The following POLM variants were observed in gnomAD, a reference collection of about 807,000 sequenced individuals.
The protein encoded by POLM is DNA-directed DNA/RNA polymerase mu.
Under a neutral mutation model 56.7 loss-of-function variants are expected in POLM, and 52 were observed. The observed-to-expected ratio is 0.92, with a 90% CI of 0.73 to 1.15. The LOEUF is 1.15. Among genes scored for constraint, POLM ranks in the 50% most tolerant of loss-of-function variants. The pLI, the probability that POLM is intolerant of heterozygous loss-of-function variation, is 0.00. For missense variants in POLM, 660 were observed against 663.6 expected (o/e 0.99, Z 0.06); for synonymous variants, 273 against 274.3 (o/e 1.00, Z 0.05).
At position 44,076,542 on chromosome 7, in the gene POLM, G is replaced by A. The variant is rs1392501321; in HGVS notation, c.802C>T (p.Gln268Ter). The A allele has an allele frequency of 6.2e-7, 1 of 1,613,948 alleles. No individual in the cohort carries two copies. The highest frequency in any genetic ancestry group is 8.5e-7 in the Non-Finnish European group (1 of 1,180,028). The change falls in exon 6 of 11, where the codon CAG becomes TAG. Residue 268 changes from glutamine to a stop codon, truncating the protein, a stop_gained. Transcript: ENST00000242248. LOFTEE classifies it high-confidence loss of function. ...GLRTLDDLREQPQKLTQQQKA... is the reference protein window; with the variant it reads ...GLRTLDDLRE ...TGCTGTTGGGTTAGTTTCTGGGGCTGCTCTCGGAGGTCATCTAAGGTTCGC... is the reference window on the plus strand; with the variant it reads ...TGCTGTTGGGTTAGTTTCTGGGGCTACTCTCGGAGGTCATCTAAGGTTCGC...
At chr7:44,078,537 A>C in intron 5 of POLM, 1 of 578,004 alleles carries the variant, frequency 1.7e-6, no homozygotes, top group Non-Finnish European at 3.1e-6. Flanking sequence ...TGTCCTCAAA[A>C]CAAGCTTCTT....
At chr7:44,074,583 C>A in intron 6 of POLM, 53 bp from the exon 7 acceptor site, 1 of 1,490,456 alleles carries the variant, frequency 6.7e-7, no homozygotes, top group East Asian at 2.4e-5. Context: ...CCACACCGAG[C>A]CCCCATCCCT....
Position 44,074,029 on chromosome 7 carries a change from T to A in POLM, c.1072-4A>T. On this transcript the variant is annotated splice_polypyrimidine_tract_variant and splice_region_variant and intron_variant, in intron 8 of 10. Transcript: ENST00000242248. Reference sequence around the variant, plus strand: ...GCTGGTGGTACAGGATGAGGCCCTGTGGGGAGAGGCGGGCGTGGCTGAGAC... The same window carrying A: ...GCTGGTGGTACAGGATGAGGCCCTGAGGGGAGAGGCGGGCGTGGCTGAGAC... 6.2e-7 allele frequency: 1 copy of A among 1,613,270 alleles called. No homozygotes were observed. Among genetic ancestry groups the A allele is most frequent in the South Asian group, 1.1e-5 (1 of 91,080 alleles).
At position 44,073,942 on chromosome 7, in the gene POLM, A is replaced by G; in HGVS notation, c.1155T>C (p.Phe385=). 1 of 1,614,232 alleles carries G rather than the reference A, an allele frequency of 6.2e-7. No homozygotes were observed. Among genetic ancestry groups the G allele is most frequent in the Non-Finnish European group, 8.5e-7 (1 of 1,180,034 alleles). Residue 385 remains phenylalanine (F), a synonymous_variant, in exon 9 of 11, where the codon TTT becomes TTC. Coordinates refer to ENST00000242248, the MANE Select transcript of POLM (RefSeq NM_013284.4). ...GGCGGAAAATGCAGAAACTTCTCTC[A>G]AAAGCGTCCATGTGGCTCTGTTGGG... ...RLAQQSHMDA[F]ERSFCIFRLP...
chr7:44,078,709 C>G (rs1457767479), intron 5 of POLM, 31 bp downstream of exon 5: 1 of 1,598,690 alleles, frequency 6.3e-7, no homozygotes, highest in Non-Finnish European at 8.6e-7. Flanking sequence ...CAGGACATTC[C>G]TGGGGTAGGT....
Position 44,076,643 on chromosome 7 carries a change from G to A in POLM, c.715-14C>T. ...CTGGGTGAAGAGCTGTGGGGAAGGA[G>A]CGTAGCCCGGTTGGGCAGAGCTCTC... On this transcript the variant is annotated splice_polypyrimidine_tract_variant and intron_variant, in intron 5 of 10. Transcript: ENST00000242248. 6.2e-7 allele frequency: 1 copy of A among 1,613,286 alleles called. No homozygotes were observed. The highest frequency in any genetic ancestry group is 8.5e-7 in the Non-Finnish European group (1 of 1,179,770).
intron 10 of POLM, 91 bp from the exon 11 acceptor site, chr7:44,073,468 G>T (rs747867689): frequency 6.3e-7 from 1 of 1,578,924 alleles, no homozygotes; most frequent in Non-Finnish European, 8.6e-7. Flanking sequence ...GCCCAGCGCC[G>T]AGGTGGGGTG....
At position 44,074,523 on chromosome 7, in the gene POLM, C is replaced by A; in HGVS notation, c.843G>T (p.Gln281His). ...KLTQQQKAGL[Q>H]HHQDLSTPVL... ...CTGGGGTGCTCAGGTCCTGGTGGTG[C>A]TGGAGCCCTGGGGGCAACACCGGCC... The change falls in exon 7 of 11, where the codon CAG becomes CAT. Residue 281 changes from glutamine (Q) to histidine (H), a missense_variant. By Grantham distance (24) the Gln-to-His change is conservative. Transcript: ENST00000242248. 6.3e-7 allele frequency: 1 copy of A among 1,576,456 alleles called. No individual in the cohort carries two copies.
intron 6 of POLM, chr7:44,076,301 T>A (rs908917934): frequency 3.7e-6 from 2 of 544,340 alleles, no homozygotes; most frequent in African/African-American, 1.9e-5. Context: ...TGGCATATCA[T>A]GGAAGTTGCT....
intron 8 of POLM, 46 bp downstream of exon 8, chr7:44,074,085 G>A (rs369792585): frequency 1.8e-4 from 290 of 1,607,438 alleles, no homozygotes; most frequent in Non-Finnish European, 2.4e-4. Context: ...GCAGGAGGCA[G>A]TGGCATTGGC....
In POLM at chr7:44,082,476, A is replaced by C. The variant is rs1247975098; in HGVS notation, c.-38T>G. On this transcript the variant is annotated 5_prime_UTR_variant, in exon 1 of 11. Coordinates refer to ENST00000242248, the MANE Select transcript of POLM (RefSeq NM_013284.4). Reference sequence around the variant, plus strand: ...CTCCAGCAGCGCGGAGCGAACGCAGAGGGAAACTCCGAGCGAGACGGAAGG... The same window carrying C: ...CTCCAGCAGCGCGGAGCGAACGCAGCGGGAAACTCCGAGCGAGACGGAAGG... The C allele has an allele frequency of 4.0e-6, 4 of 1,004,158 alleles. No homozygotes were observed. Among genetic ancestry groups the C allele is most frequent in the Non-Finnish European group, 4.8e-6 (4 of 835,578 alleles). The allele number at this position is 1,004,158 out of a possible 1,614,324, so 62.2% of individuals were successfully genotyped here.
rs2128804648 is a variant in POLM at position 44,082,255 on chromosome 7, A to T, written c.184T>A (p.Cys62Ser). The change falls in exon 1 of 11, where the codon TGC becomes AGC. Residue 62 changes from cysteine (C) to serine (S), a missense_variant. Cys to Ser is a moderately radical substitution (Grantham distance 112). Coordinates refer to ENST00000242248, the MANE Select transcript of POLM (RefSeq NM_013284.4). ...CCGCGCCGCGCCGCCCCGCACCTGC[A>T]GGCGTCAAGGACGCGGAAGCCTTTG... is the stretch of plus-strand genomic sequence containing the variant. ...RSKGFRVLDACSSEATHVVME... is the reference protein window; with the variant it reads ...RSKGFRVLDASSSEATHVVME... 2 of 1,479,600 alleles carry T rather than the reference A, an allele frequency of 1.4e-6. No homozygotes were observed. Among genetic ancestry groups the T allele is most frequent in the South Asian group, 2.6e-5 (2 of 76,788 alleles). 91.7% of individuals were successfully genotyped at this position (1,479,600 alleles called of 1,614,324 possible).
chr7:44,073,002 A>T lies in POLM; in HGVS notation c.*289T>A. ...ACCACAGCTCCACGATGTGGGCCCC[A>T]CTCACATCCCATCCAGGGCAGGAAC... On this transcript the variant is annotated 3_prime_UTR_variant, in exon 11 of 11. Coordinates refer to ENST00000242248, the MANE Select transcript of POLM (RefSeq NM_013284.4). 2 of 1,067,834 alleles carry T rather than the reference A, an allele frequency of 1.9e-6. No homozygotes were observed. The highest frequency in any genetic ancestry group is 2.6e-6 in the Non-Finnish European group (2 of 773,072). The allele number at this position is 1,067,834 out of a possible 1,614,324, so 66.1% of individuals were successfully genotyped here.
In POLM at chr7:44,073,908, G is replaced by A. The variant is rs577701108; in HGVS notation, c.1189C>T (p.Pro397Ser). Residue 397 changes from proline to serine, a missense_variant, in exon 9 of 11, where the codon CCT becomes TCT. Transcript: ENST00000242248. ...RSFCIFRLPQ[P>S]PGAAVGGSTR... ...GATCCCCCCACAGCAGCCCCTGGAG[G>A]TTGTGGTAGGCGGAAAATGCAGAAA... 4.3e-6 allele frequency: 7 copies of A among 1,614,260 alleles called. No individual in the cohort carries two copies. The East Asian group carries it at 6.7e-5, about 15-fold the overall frequency.
intron 1 of POLM, among the ~76,000 whole-genome samples, chr7:44,081,173 T>C (rs747516537): frequency 5.9e-5 from 9 of 152,158 alleles, no homozygotes; most frequent in Non-Finnish European, 8.8e-5. Flanking sequence ...TCCCTCCCTC[T>C]TCACCTCAAA....
chr7:44,075,129 C>T (rs1262028275), intron 6 of POLM, among the ~76,000 whole-genome samples: 4 of 152,202 alleles, frequency 2.6e-5, no homozygotes, highest in Non-Finnish European at 5.9e-5. Context: ...GAGCTTACTG[C>T]AACCTCCACC....
intron 6 of POLM, 106 bp downstream of exon 6, chr7:44,076,403 C>T (rs1562669234): frequency 1.4e-6 from 2 of 1,461,522 alleles, no homozygotes; most frequent in East Asian, 2.3e-5. Context: ...AAGCTGCCAC[C>T]AAACCCTCTG....
Position 44,076,552 on chromosome 7 carries a change from G to A in POLM, c.792C>T (p.Asp264=). The change falls in exon 6 of 11, where the codon GAC becomes GAT. Residue 264 remains aspartate (D), a synonymous_variant. Coordinates refer to ENST00000242248, the MANE Select transcript of POLM (RefSeq NM_013284.4). Reference sequence around the variant, plus strand: ...TTAGTTTCTGGGGCTGCTCTCGGAGGTCATCTAAGGTTCGCAGTCCTTCCC... The same window carrying A: ...TTAGTTTCTGGGGCTGCTCTCGGAGATCATCTAAGGTTCGCAGTCCTTCCC... The part of the protein sequence containing the change: ...WYREGLRTLD[D]LREQPQKLTQ... The A allele has an allele frequency of 6.2e-7, 1 of 1,614,132 alleles. No individual in the cohort carries two copies. The highest frequency in any genetic ancestry group is 8.5e-7 in the Non-Finnish European group (1 of 1,180,036).
Position 44,080,929 on chromosome 7 carries a change from G to A in POLM, c.189-13C>T. On this transcript the variant is annotated splice_polypyrimidine_tract_variant and intron_variant, in intron 1 of 10. Coordinates refer to ENST00000242248, the MANE Select transcript of POLM (RefSeq NM_013284.4). The stretch of plus-strand genomic sequence containing the variant: ...TGTCGCTTCGGAGCTGGTGGAGGGA[G>A]TTGGGAGAGAAGGAGGAGGGTGAGG... 3 of 1,546,178 alleles carry A rather than the reference G, an allele frequency of 1.9e-6. No homozygotes were observed. The highest frequency in any genetic ancestry group is 1.3e-5 in the South Asian group (1 of 79,236).
Sources: allele counts gnomAD v4.1 joint callset (sites outside exome capture counted in the v4.1 genomes callset), GRCh38; gene constraint gnomAD v4.1.1; transcripts MANE v1.5; gene names NCBI Gene and HGNC (gene_info 2026-07-23, HGNC 2026-07-21).